EPHA5: variants seen among roughly 807,000 people sequenced by gnomAD.
The protein encoded by EPHA5 is EPH receptor A5, also known as ephrin type-A receptor 5.
Under a neutral mutation model 105.0 loss-of-function variants are expected in EPHA5, and 60 were observed. The ratio of observed to expected loss-of-function variants is 0.57; its 90% confidence interval spans 0.46 to 0.71. EPHA5 has a LOEUF of 0.71. Ranked by LOEUF, EPHA5 falls within the 30% of genes least tolerant of loss-of-function variation. The pLI, the probability that EPHA5 is intolerant of heterozygous loss-of-function variation, is 0.00. For synonymous variants in EPHA5, 513 were observed against 449.1 expected (o/e 1.14, Z -1.80); for missense variants, 1,218 against 1,274.7 (o/e 0.96, Z 0.68).
intron 8 of EPHA5, among the ~76,000 whole-genome samples, chr4:65,401,262 A>G (rs1272969242): frequency 1.3e-5 from 2 of 152,098 alleles, no homozygotes; most frequent in African/African-American, 2.4e-5. Flanking sequence ...ACAAATCTTT[A>G]CTGAGTTAAT....
intron 1 of EPHA5, among the ~76,000 whole-genome samples, chr4:65,658,509 T>C (rs926459079): frequency 2.0e-5 from 3 of 152,130 alleles, no homozygotes; most frequent in Non-Finnish European, 2.9e-5. Flanking sequence ...TGTAAAAAAG[T>C]AGACCTTGCT....
At chr4:65,410,552 T>C (rs1722816958) in intron 7 of EPHA5, among the ~76,000 whole-genome samples, 1 of 152,160 alleles carries the variant, frequency 6.6e-6, no homozygotes, top group African/African-American at 2.4e-5. Flanking sequence ...GCGTAGAATC[T>C]AATACACATA....
intron 5 of EPHA5, among the ~76,000 whole-genome samples, chr4:65,469,904 T>C (rs1729119885): frequency 6.6e-6 from 1 of 151,936 alleles, no homozygotes; most frequent in Admixed American, 6.6e-5. Flanking sequence ...CGCACAAAAA[T>C]TGTTAGAAGA....
chr4:65,661,957 G>A (rs1208388237), intron 1 of EPHA5, among the ~76,000 whole-genome samples: 1 of 152,184 alleles, frequency 6.6e-6, no homozygotes, highest in Non-Finnish European at 1.5e-5. Flanking sequence ...TGCAGGCAGA[G>A]TCCCACAATT....
chr4:65,542,583 G>C (rs1321186137), intron 3 of EPHA5, among the ~76,000 whole-genome samples: 1 of 151,832 alleles, frequency 6.6e-6, no homozygotes, highest in Non-Finnish European at 1.5e-5. Flanking sequence ...GTAATAAGTA[G>C]TCTACCAACC....
intron 2 of EPHA5, among the ~76,000 whole-genome samples, chr4:65,634,994 G>A (rs1479511282): frequency 6.6e-6 from 1 of 151,852 alleles, no homozygotes; most frequent in African/African-American, 2.4e-5. Context: ...ACACAAACAT[G>A]CACACTATTG....
At chr4:65,349,671 G>A (rs920347805) in intron 13 of EPHA5, among the ~76,000 whole-genome samples, 4 of 152,022 alleles carry the variant, frequency 2.6e-5, no homozygotes, top group Admixed American at 2.0e-4. Context: ...AATTATTTTG[G>A]GAATTGAAGT....
chr4:65,540,596 TC>T, intron 3 of EPHA5, among the ~76,000 whole-genome samples: 1 of 151,568 alleles, frequency 6.6e-6, no homozygotes, highest in South Asian at 2.1e-4. Flanking sequence ...CGAAAGATTC[TC>T]ACAAACATGA....
intron 11 of EPHA5, among the ~76,000 whole-genome samples, chr4:65,364,210 G>C (rs1717628450): frequency 6.6e-6 from 1 of 151,566 alleles, no homozygotes; most frequent in African/African-American, 2.4e-5. Context: ...ATGCTTCCTG[G>C]AGATGTATAT....
At chr4:65,344,317 A>G (rs1722013248) in intron 14 of EPHA5, among the ~76,000 whole-genome samples, 2 of 152,130 alleles carry the variant, frequency 1.3e-5, no homozygotes, top group African/African-American at 2.4e-5. Flanking sequence ...GAGCCAAGGC[A>G]TACTAATACA....
intron 5 of EPHA5, among the ~76,000 whole-genome samples, chr4:65,464,025 A>C (rs1012564572): frequency 6.6e-6 from 1 of 151,936 alleles, no homozygotes; most frequent in Non-Finnish European, 1.5e-5. Context: ...AATAAATATT[A>C]AGACTACAAC....
chr4:65,543,519 A>T (rs1737054741), intron 3 of EPHA5, among the ~76,000 whole-genome samples: 1 of 152,070 alleles, frequency 6.6e-6, no homozygotes, highest in South Asian at 2.1e-4. Flanking sequence ...CTAACAAGGG[A>T]TGTGAAGGAC....
chr4:65,574,536 T>C (rs1740604957), intron 3 of EPHA5, among the ~76,000 whole-genome samples: 1 of 147,234 alleles, frequency 6.8e-6, no homozygotes, highest in Admixed American at 6.8e-5. Context: ...AGTCTAAATG[T>C]CCAATACTGG....
chr4:65,384,374 G>T (rs542741847), intron 8 of EPHA5, among the ~76,000 whole-genome samples: 1 of 152,040 alleles, frequency 6.6e-6, no homozygotes, highest in East Asian at 1.9e-4. Context: ...ACTGGTCCAA[G>T]AAGTCAAACC....
chr4:65,483,644 T>G (rs1028311119), intron 5 of EPHA5, among the ~76,000 whole-genome samples: 23 of 152,088 alleles, frequency 1.5e-4, no homozygotes, highest in Non-Finnish European at 1.5e-4. Context: ...CCAAAAAAAA[T>G]TTGCGTAAGT....
intron 3 of EPHA5, among the ~76,000 whole-genome samples, chr4:65,519,944 C>T (rs1332107981): frequency 6.6e-6 from 1 of 152,112 alleles, no homozygotes; most frequent in Non-Finnish European, 1.5e-5. Context: ...TGAAAATGGC[C>T]ATACTGCCCA....
At chr4:65,550,983 T>A (rs1007389393) in intron 3 of EPHA5, among the ~76,000 whole-genome samples, 1 of 151,998 alleles carries the variant, frequency 6.6e-6, no homozygotes, top group Non-Finnish European at 1.5e-5. Flanking sequence ...AAAAGGCAAC[T>A]GCTATGTATT....
At chr4:65,665,454 G>C (rs7692319) in intron 1 of EPHA5, among the ~76,000 whole-genome samples, 130,490 of 152,012 alleles carry the variant, frequency 0.86, 56,427 homozygotes, top group Non-Finnish European at 0.91. Flanking sequence ...GATTTTGCAT[G>C]TAAAGATACA....
At position 65,539,614 on chromosome 4, in the gene EPHA5, C is replaced by T. The variant is rs557042963; in HGVS notation, c.911-44071G>A. Among the ~76,000 whole-genome samples the T allele has an allele frequency of 2.5e-4, 38 of 151,604 alleles. No individual in the cohort carries two copies. In the South Asian group the frequency reaches 7.9e-3, roughly 31 times the overall value. ...CAATTTGATCAATAGAGATATTGCT[C>T]CCTCACTCAAAGAAACTTTCAAATT... On this transcript the variant is annotated intron_variant, in intron 3 of 16. Coordinates refer to ENST00000613740, the MANE Select transcript of EPHA5 (RefSeq NM_001281766.3).
Sources: allele counts gnomAD v4.1 joint callset (sites outside exome capture counted in the v4.1 genomes callset), GRCh38; gene constraint gnomAD v4.1.1; transcripts MANE v1.5; gene names NCBI Gene and HGNC (gene_info 2026-07-23, HGNC 2026-07-21).